Variants in NCBP1 observed in about 807,000 individuals in gnomAD.
NCBP1 encodes nuclear cap-binding protein subunit 1.
Under a neutral mutation model 111.7 loss-of-function variants are expected in NCBP1, and 16 were observed. The observed-to-expected ratio is 0.14, with a 90% CI of 0.10 to 0.22. The LOEUF (loss-of-function observed/expected upper bound fraction) is 0.22. Among genes scored for constraint, NCBP1 ranks in the 10% least tolerant of loss-of-function variants. The probability of loss-of-function intolerance (pLI) is 1.00; values close to 1 mark genes in which losing one functional copy is unlikely to be tolerated. For missense variants in NCBP1, 607 were observed against 957.5 expected (o/e 0.63, Z 4.83); for synonymous variants, 304 against 314.3 (o/e 0.97, Z 0.35).
At chr9:97,666,428 A>C (rs1828003927) in intron 19 of NCBP1, among the ~76,000 whole-genome samples, 1 of 152,198 alleles carries the variant, frequency 6.6e-6, no homozygotes, top group Non-Finnish European at 1.5e-5. Flanking sequence ...TTAGGAGAGG[A>C]AAAATGTATT....
rs201033807 is a variant in NCBP1, at chr9:97,653,829, C to T, written c.1091C>T (p.Ala364Val). The T allele has an allele frequency of 6.2e-7, 1 of 1,614,016 alleles. No homozygotes were observed. The highest frequency in any genetic ancestry group is 8.5e-7 in the Non-Finnish European group (1 of 1,179,940). Residue 364 changes from alanine to valine, a missense_variant, in exon 11 of 23, where the codon GCA becomes GTA. Transcript: ENST00000375147. ...TTTGCAGAGCTGTTTCAACTTCCAG[C>T]ACCCCCTCACATTGATGTGATGTAC... Reference protein sequence around the residue: ...VIFAELFQLPAPPHIDVMYTT... With the variant: ...VIFAELFQLPVPPHIDVMYTT...
At chr9:97,657,000 G>A (rs918534120) in intron 14 of NCBP1, among the ~76,000 whole-genome samples, 22 of 152,016 alleles carry the variant, frequency 1.4e-4, no homozygotes, top group Non-Finnish European at 2.5e-4. Context: ...TTGGAGTCTC[G>A]CTCTGTCACC....
intron 1 of NCBP1, among the ~76,000 whole-genome samples, chr9:97,638,756 A>G (rs58878935): frequency 0.12 from 17,974 of 152,046 alleles, 3,018 homozygotes; most frequent in African/African-American, 0.37. Flanking sequence ...ATGCAACGTG[A>G]GATATTTAGC....
At chr9:97,634,207 C>G (rs756148806) in intron 1 of NCBP1, among the ~76,000 whole-genome samples, 2 of 152,222 alleles carry the variant, frequency 1.3e-5, no homozygotes, top group African/African-American at 2.4e-5. Context: ...TCCGTAAAAC[C>G]ACGGAGCAGG....
chr9:97,641,594 C>T lies in NCBP1; in HGVS notation c.156C>T (p.Gly52=). 6.2e-7 allele frequency: 1 copy of T among 1,610,142 alleles called. No homozygotes were observed. Among genetic ancestry groups the T allele is most frequent in the Non-Finnish European group, 8.5e-7 (1 of 1,176,958 alleles). The change falls in exon 3 of 23, where the codon GGC becomes GGT. Residue 52 remains glycine, a synonymous_variant. Transcript: ENST00000375147. ...GCTCTTTGGAGAGCAACCTAGAAGG[C>T]TTGGCTGGTGTTTTGGAAGCTGATC... is the stretch of plus-strand genomic sequence containing the variant. ...SACSLESNLE[G]LAGVLEADLP... is the part of the protein sequence containing the mutation.
At chr9:97,640,282 A>G (rs2131333233) in intron 1 of NCBP1, among the ~76,000 whole-genome samples, 1 of 152,228 alleles carries the variant, frequency 6.6e-6, no homozygotes, top group East Asian at 1.9e-4. Context: ...CTGATATGAC[A>G]GCTTTTTTTT....
In NCBP1 at chr9:97,643,338, A is replaced by G; in HGVS notation, c.359A>G (p.Asn120Ser). Reference protein sequence around the residue: ...RQLKESLKANNYNEAVYLVRF... With the variant: ...RQLKESLKANSYNEAVYLVRF... ...CTTAAAGAATCATTGAAAGCAAACA[A>G]TTATAATGAAGCCGTGTATTTGGTA... Residue 120 changes from asparagine (N) to serine (S), a missense_variant, in exon 4 of 23, where the codon AAT (asparagine) becomes AGT (serine). Coordinates refer to ENST00000375147, the MANE Select transcript of NCBP1 (RefSeq NM_002486.5). 1 of 1,604,244 alleles carries G rather than the reference A, an allele frequency of 6.2e-7. No homozygotes were observed. Among genetic ancestry groups the G allele is most frequent in the Non-Finnish European group, 8.5e-7 (1 of 1,177,000 alleles).
chr9:97,658,348 T>A (rs556468531), intron 14 of NCBP1, among the ~76,000 whole-genome samples: 1 of 152,318 alleles, frequency 6.6e-6, no homozygotes, highest in Non-Finnish European at 1.5e-5. Context: ...ATAGCCAGTT[T>A]CCAAAGCGTG....
intron 18 of NCBP1, among the ~76,000 whole-genome samples, chr9:97,663,546 G>A (rs769521999): frequency 5.3e-5 from 8 of 151,808 alleles, no homozygotes; most frequent in African/African-American, 1.5e-4. Flanking sequence ...GTGCAGTGGC[G>A]CAATCTTGGC....
At position 97,666,764 on chromosome 9, in the gene NCBP1, T is replaced by C; in HGVS notation, c.1903T>C (p.Leu635=). The change falls in exon 20 of 23, where the codon TTG becomes CTG. Residue 635 remains leucine (L), a splice_region_variant and synonymous_variant. Coordinates refer to ENST00000375147, the MANE Select transcript of NCBP1 (RefSeq NM_002486.5). ...SSELSRDFTR[L]FVWEILHSTI... ...AACCAAATGCCATATTTCTTTAAGATTGTTTGTTTGGGAAATTTTGCACTC... is the reference window on the plus strand; with the variant it reads ...AACCAAATGCCATATTTCTTTAAGACTGTTTGTTTGGGAAATTTTGCACTC... 3 of 1,582,692 alleles carry C rather than the reference T, an allele frequency of 1.9e-6. No individual in the cohort carries two copies. The highest frequency in any genetic ancestry group is 2.6e-6 in the Non-Finnish European group (3 of 1,163,376).
At chr9:97,654,195 T>G (rs1352976914) in intron 11 of NCBP1, among the ~76,000 whole-genome samples, 1 of 152,200 alleles carries the variant, frequency 6.6e-6, no homozygotes, top group African/African-American at 2.4e-5. Context: ...CTGAAGCATG[T>G]GATGCTTGCT....
rs371744191 is a variant in NCBP1 at position 97,668,716 on chromosome 9, G to C, written c.2017-130G>C. The C allele has an allele frequency of 2.8e-4, 165 of 597,446 alleles. 1 individual carries two copies. Among genetic ancestry groups the C allele is most frequent in the South Asian group, 2.5e-3 (83 of 32,658 alleles). 37.0% of individuals were successfully genotyped at this position (597,446 alleles called of 1,614,324 possible). A position where few individuals can be genotyped will look rare whatever the true frequency, so the allele number is the denominator to read the frequency against. ...GGTATATATGTGTGGGTGGCGGGGT[G>C]GGGGGGTACTTTCACTATAGAATAT... On this transcript the variant is annotated intron_variant, in intron 20 of 22. Transcript: ENST00000375147.
At position 97,673,315 on chromosome 9, in the gene NCBP1, A is replaced by C. The variant is rs1341459186; in HGVS notation, c.*2116A>C. 1 of 152,176 alleles carries C rather than the reference A, an allele frequency of 6.6e-6. No homozygotes were observed. The highest frequency in any genetic ancestry group is 6.5e-5 in the Admixed American group (1 of 15,270). The allele number at this position is 152,176 out of a possible 1,614,324, so 9.4% of individuals were successfully genotyped here. On this transcript the variant is annotated 3_prime_UTR_variant, in exon 23 of 23. Coordinates refer to ENST00000375147, the MANE Select transcript of NCBP1 (RefSeq NM_002486.5). ...TTGTTCAAGGGTCAACTGTAGTTTA[A>C]AATGACTCCTGTCTCAAAAAACCAA...
rs1828259583 is a variant in NCBP1 at position 97,673,490 on chromosome 9, G to C, written c.*2291G>C. 6.6e-6 allele frequency: 1 copy of C among 152,174 alleles called. No individual in the cohort carries two copies. The highest frequency in any genetic ancestry group is 1.5e-5 in the Non-Finnish European group (1 of 68,028). 9.4% of individuals were successfully genotyped at this position (152,174 alleles called of 1,614,324 possible). A position where few individuals can be genotyped will look rare whatever the true frequency, so the allele number is the denominator to read the frequency against. On this transcript the variant is annotated 3_prime_UTR_variant, in exon 23 of 23. Coordinates refer to ENST00000375147, the MANE Select transcript of NCBP1 (RefSeq NM_002486.5). ...TCTTTTCTCTTGGTCCTCTCTTCAT[G>C]TATAATGGTTGCTTTTAACAGCTGT...
intron 21 of NCBP1, 58 bp downstream of exon 21, chr9:97,669,032 G>T: frequency 6.7e-7 from 1 of 1,481,680 alleles, no homozygotes; most frequent in Non-Finnish European, 9.1e-7. Context: ...TTTAGTTTTA[G>T]TTTTTAAAAA....
At chr9:97,658,528 G>T in intron 14 of NCBP1, 112 bp from the exon 15 acceptor site, 2 of 790,152 alleles carry the variant, frequency 2.5e-6, no homozygotes, top group Non-Finnish European at 4.3e-6. Flanking sequence ...TCACTTCTTG[G>T]TTGTCAGCTG....
At chr9:97,663,816 A>G (rs1270954364) in intron 18 of NCBP1, among the ~76,000 whole-genome samples, 3 of 151,858 alleles carry the variant, frequency 2.0e-5, no homozygotes, top group Non-Finnish European at 4.4e-5. Flanking sequence ...GTTACCATTC[A>G]GAGTTTTTGT....
At chr9:97,642,830 G>A (rs1459465422) in intron 3 of NCBP1, among the ~76,000 whole-genome samples, 1 of 151,994 alleles carries the variant, frequency 6.6e-6, no homozygotes, top group African/African-American at 2.4e-5. Flanking sequence ...GTATTAAAGA[G>A]GCTTGTTTCA....
At chr9:97,643,063 T>G (rs1827244763) in intron 3 of NCBP1, 141 bp from the exon 4 acceptor site, 2 of 771,850 alleles carry the variant, frequency 2.6e-6, no homozygotes, top group Non-Finnish European at 3.8e-6. Context: ...AATGACATGC[T>G]TTTTCTGAAG....
Sources: allele counts gnomAD v4.1 joint callset (sites outside exome capture counted in the v4.1 genomes callset), GRCh38; gene constraint gnomAD v4.1.1; transcripts MANE v1.5; gene names NCBI Gene and HGNC (gene_info 2026-07-23, HGNC 2026-07-21).